EXOC6B: variants seen among roughly 807,000 people sequenced by gnomAD.
EXOC6B encodes the protein SEC15 homolog B.
Under a neutral mutation model 113.5 loss-of-function variants are expected in EXOC6B, and 54 were observed. That is an observed-to-expected ratio of 0.48 (90% CI 0.38 to 0.60). The LOEUF (loss-of-function observed/expected upper bound fraction) is 0.60, where lower values mean the gene tolerates loss of function less well. Ranked by LOEUF, EXOC6B falls within the 20% of genes least tolerant of loss-of-function variation. EXOC6B has a pLI of 0.00. For missense variants in EXOC6B, 797 were observed against 977.5 expected (o/e 0.82, Z 2.46); for synonymous variants, 357 against 339.0 (o/e 1.05, Z -0.58).
chr2:72,449,481 ATTT>A (rs61544524), intron 18 of EXOC6B, among the ~76,000 whole-genome samples: 19 of 139,052 alleles, frequency 1.4e-4, no homozygotes, highest in African/African-American at 3.1e-4. Context: ...AGCATTGTCA[ATTT>A]TTTTTTTTTT....
At chr2:72,200,697 T>G (rs1391569001) in intron 20 of EXOC6B, among the ~76,000 whole-genome samples, 1 of 152,214 alleles carries the variant, frequency 6.6e-6, no homozygotes, top group African/African-American at 2.4e-5. Context: ...GGCCCCTGAT[T>G]TGAATCCACT....
In EXOC6B at chr2:72,407,109, A is replaced by T. The variant is rs189453587; in HGVS notation, c.1981-27239T>A. Among the ~76,000 whole-genome samples the T allele has an allele frequency of 2.9e-4, 44 of 152,338 alleles. No individual in the cohort carries two copies. The East Asian group carries it at 7.3e-3, about 25-fold the overall frequency. On this transcript the variant is annotated intron_variant, in intron 18 of 21. Transcript: ENST00000272427. ...CACCTCTATGCAGATAAACTAGAAAATCTAGAAGAAATGGATAAATTCCTC... is the reference window on the plus strand; with the variant it reads ...CACCTCTATGCAGATAAACTAGAAATTCTAGAAGAAATGGATAAATTCCTC...
intron 20 of EXOC6B, among the ~76,000 whole-genome samples, chr2:72,227,091 T>C (rs765715682): frequency 1.3e-5 from 2 of 151,594 alleles, no homozygotes; most frequent in Non-Finnish European, 2.9e-5. Flanking sequence ...GAGAAGCAAA[T>C]AAAAGGTATG....
intron 6 of EXOC6B, among the ~76,000 whole-genome samples, chr2:72,646,958 A>G (rs531456566): frequency 1.3e-5 from 2 of 152,328 alleles, no homozygotes; most frequent in East Asian, 3.9e-4. Flanking sequence ...CAGGGCATTC[A>G]GGCAAGAGAA....
chr2:72,256,484 G>A (rs1683362411), intron 20 of EXOC6B, among the ~76,000 whole-genome samples: 1 of 152,172 alleles, frequency 6.6e-6, no homozygotes, highest in African/African-American at 2.4e-5. Flanking sequence ...AACTGGAATG[G>A]GAATTAGATT....
chr2:72,267,615 C>T (rs1439852397), intron 20 of EXOC6B, among the ~76,000 whole-genome samples: 1 of 152,162 alleles, frequency 6.6e-6, no homozygotes, highest in Non-Finnish European at 1.5e-5. Context: ...CCCACTTGAT[C>T]ATGGTAGATA....
rs1480338191 is a variant in EXOC6B, at chr2:72,323,281, TGA to T, written c.2196+11664_2196+11665del. ...GAGAAATACAAATCAAAAACCACAATGAGATACCATCTCATGACAGTTAGAAT... is the reference window on the plus strand; with the variant it reads ...GAGAAATACAAATCAAAAACCACAATGATACCATCTCATGACAGTTAGAAT... On this transcript the variant is annotated intron_variant, in intron 20 of 21. Coordinates refer to ENST00000272427, the MANE Select transcript of EXOC6B (RefSeq NM_015189.3). Among the ~76,000 whole-genome samples the T allele has an allele frequency of 2.6e-5, 4 of 152,110 alleles. No individual in the cohort carries two copies. The South Asian group carries it at 8.3e-4, about 32-fold the overall frequency.
intron 20 of EXOC6B, among the ~76,000 whole-genome samples, chr2:72,244,375 T>C (rs1386325312): frequency 6.6e-6 from 1 of 152,014 alleles, no homozygotes; most frequent in Non-Finnish European, 1.5e-5. Context: ...AAAATACAAC[T>C]CATTAAAATT....
At chr2:72,547,070 T>C (rs1203117788) in intron 8 of EXOC6B, among the ~76,000 whole-genome samples, 1 of 152,236 alleles carries the variant, frequency 6.6e-6, no homozygotes, top group Non-Finnish European at 1.5e-5. Context: ...CATATGTGCA[T>C]TTTGCCTGGT....
intron 1 of EXOC6B, among the ~76,000 whole-genome samples, chr2:72,754,359 C>A (rs932754710): frequency 8.5e-5 from 13 of 152,066 alleles, no homozygotes; most frequent in African/African-American, 3.1e-4. Flanking sequence ...CTCCTACTTG[C>A]TGATATGAGG....
intron 21 of EXOC6B, among the ~76,000 whole-genome samples, chr2:72,181,334 G>A (rs891644337): frequency 6.6e-6 from 1 of 152,188 alleles, no homozygotes; most frequent in African/African-American, 2.4e-5. Context: ...GCCTGTGCTT[G>A]GAAGGGAAGA....
intron 8 of EXOC6B, among the ~76,000 whole-genome samples, chr2:72,532,317 C>A (rs1435647341): frequency 6.6e-6 from 1 of 151,998 alleles, no homozygotes; most frequent in African/African-American, 2.4e-5. Context: ...TTTTTCCCTA[C>A]CAAATTAGCA....
At chr2:72,708,896 A>AT (rs1159794341) in intron 6 of EXOC6B, among the ~76,000 whole-genome samples, 42,806 of 69,744 alleles carry the variant, frequency 0.61, 17,596 homozygotes, top group South Asian at 0.83. Context: ...CATCCAGCTA[A>AT]TTTTTTTTTT....
intron 20 of EXOC6B, among the ~76,000 whole-genome samples, chr2:72,189,860 C>CTTTCTTTTTTTTTTTTT (rs1553462592): frequency 2.6e-4 from 23 of 87,252 alleles, no homozygotes; most frequent in African/African-American, 1.1e-3. Flanking sequence ...CCTTCTTCTT[C>CTTTCTTTTTTTTTTTTT]TTTTTTTTTT....
At chr2:72,700,237 AACACACACACAC>A (rs3034948) in intron 6 of EXOC6B, among the ~76,000 whole-genome samples, 1 of 142,316 alleles carries the variant, frequency 7.0e-6, no homozygotes, top group Non-Finnish European at 1.5e-5. Context: ...AGACCACAGA[AACACACACACAC>A]ACACACACAC....
chr2:72,750,388 C>A (rs1462188259), intron 1 of EXOC6B, among the ~76,000 whole-genome samples: 1 of 152,028 alleles, frequency 6.6e-6, no homozygotes, highest in African/African-American at 2.4e-5. Context: ...CTCCTAATCA[C>A]CTCTAACCAC....
At chr2:72,587,076 G>T (rs955101946) in intron 6 of EXOC6B, among the ~76,000 whole-genome samples, 5 of 152,050 alleles carry the variant, frequency 3.3e-5, no homozygotes, top group Non-Finnish European at 7.4e-5. Flanking sequence ...ATATCCAAAA[G>T]AAAACAAATC....
At chr2:72,546,438 T>A (rs1702903590) in intron 8 of EXOC6B, among the ~76,000 whole-genome samples, 1 of 151,886 alleles carries the variant, frequency 6.6e-6, no homozygotes, top group African/African-American at 2.4e-5. Flanking sequence ...CGAGACTCCA[T>A]CTCCAAAAAA....
chr2:72,793,447 C>T (rs139208259), intron 1 of EXOC6B, among the ~76,000 whole-genome samples: 137 of 152,180 alleles, frequency 9.0e-4, no homozygotes, highest in Middle Eastern at 6.8e-3. Context: ...AAATATAAAA[C>T]GCATAGAAAG....
Sources: allele counts gnomAD v4.1 joint callset (sites outside exome capture counted in the v4.1 genomes callset), GRCh38; gene constraint gnomAD v4.1.1; transcripts MANE v1.5; gene names NCBI Gene and HGNC (gene_info 2026-07-23, HGNC 2026-07-21).